The following PSMG4 variants were observed in gnomAD, a reference collection of about 807,000 sequenced individuals.
PSMG4 encodes the protein proteasome assembly chaperone 4.
PSMG4 carries 10 observed loss-of-function variants against 11.0 expected under a neutral mutation model. That is an observed-to-expected ratio of 0.91 (90% CI 0.56 to 1.54). The LOEUF (loss-of-function observed/expected upper bound fraction) is 1.54, where lower values mean the gene tolerates loss of function less well. Ranked by LOEUF, PSMG4 falls within the 40% of genes most tolerant of loss-of-function variation. The pLI is 0.00. For missense variants in PSMG4, 198 were observed against 160.9 expected, an observed-to-expected ratio of 1.23 and a Z score of -1.25; for synonymous variants, 95 against 71.3, an observed-to-expected ratio of 1.33 and a Z score of -1.68.
At chr6:3,255,650 C>T (rs566301968), upstream of PSMG4, among the ~76,000 whole-genome samples, 133 of 152,306 alleles carry the variant, frequency 8.7e-4, no homozygotes, top group African/African-American at 2.9e-3. Flanking sequence ...CACAGACAAA[C>T]GAGTCCGAGA....
chr6:3,255,851 C>T (rs1469717060), upstream of PSMG4, among the ~76,000 whole-genome samples: 3 of 129,098 alleles, frequency 2.3e-5, no homozygotes, highest in Non-Finnish European at 5.1e-5. Context: ...TGTCGTCCAT[C>T]TCACGTGAAT....
upstream of PSMG4, among the ~76,000 whole-genome samples, chr6:3,255,504 C>G (rs564013884): frequency 2.0e-5 from 3 of 152,290 alleles, no homozygotes; most frequent in Non-Finnish European, 4.4e-5. Flanking sequence ...ACTGCCTGGC[C>G]AGGTCATTCC....
upstream of PSMG4, among the ~76,000 whole-genome samples, chr6:3,257,295 G>A (rs150928506): frequency 9.4e-4 from 143 of 152,272 alleles, 3 homozygotes; most frequent in African/African-American, 3.3e-3. Context: ...ATGACTGGCT[G>A]TGACCCTCTG....
At chr6:3,255,684 C>T (rs1385071754), upstream of PSMG4, among the ~76,000 whole-genome samples, 2 of 152,178 alleles carry the variant, frequency 1.3e-5, no homozygotes, top group African/African-American at 4.8e-5. Context: ...TGTATGAGAT[C>T]CCTCCTATGG....
upstream of PSMG4, chr6:3,255,052 A>C: frequency 6.4e-7 from 1 of 1,550,764 alleles, no homozygotes; most frequent in Non-Finnish European, 8.7e-7. Context: ...TCTGGACAGG[A>C]ACAAACACAC....
upstream of PSMG4, chr6:3,258,812 T>G (rs1757848769): frequency 1.5e-5 from 6 of 402,898 alleles, no homozygotes; most frequent in Non-Finnish European, 2.1e-5. Context: ...GGACAGCTAC[T>G]CCGCCCAGGG....
Position 3,263,685 on chromosome 6 carries a change from A to G in PSMG4, c.176A>G (p.Asp59Gly). The change falls in exon 2 of 3, where the codon GAC becomes GGC. Residue 59 changes from aspartate (D) to glycine (G), a missense_variant and splice_region_variant. By Grantham distance (94) the Asp-to-Gly change is moderately conservative. Transcript: ENST00000438998. ...NLAVAMCSRY[D>G]SIPVSTSLLG... is the part of the protein sequence containing the mutation. ...GTGTGCCCTTTGCTTTTCTTTTAGG[A>G]CTCCATCCCCGTGTCTACCTCCCTC... 6.5e-7 allele frequency: 1 copy of G among 1,540,832 alleles called. No homozygotes were observed. Among genetic ancestry groups the G allele is most frequent in the Non-Finnish European group, 8.8e-7 (1 of 1,142,754 alleles).
At chr6:3,257,465 C>T (rs1357856324), upstream of PSMG4, among the ~76,000 whole-genome samples, 1 of 152,178 alleles carries the variant, frequency 6.6e-6, no homozygotes, top group Non-Finnish European at 1.5e-5. Flanking sequence ...AACTTTGTTT[C>T]CTTAATCTTT....
chr6:3,254,531 T>C (rs1475740414), upstream of PSMG4, among the ~76,000 whole-genome samples: 2 of 152,070 alleles, frequency 1.3e-5, no homozygotes, highest in Non-Finnish European at 2.9e-5. Context: ...CTGTAACAAT[T>C]ATCTGGAAGG....
At chr6:3,261,797 A>G (rs1352279172) in intron 1 of PSMG4, among the ~76,000 whole-genome samples, 1 of 152,138 alleles carries the variant, frequency 6.6e-6, no homozygotes, top group Non-Finnish European at 1.5e-5. Flanking sequence ...CCAGCCCTCC[A>G]TCTACCGTCC....
chr6:3,258,953 T>C lies in PSMG4; in HGVS notation c.-70T>C. 1 of 1,217,244 alleles carries C rather than the reference T, an allele frequency of 8.2e-7. No individual in the cohort carries two copies. The highest frequency in any genetic ancestry group is 1.0e-6 in the Non-Finnish European group (1 of 972,818). The allele number at this position is 1,217,244 out of a possible 1,614,324, so 75.4% of individuals were successfully genotyped here. A position where few individuals can be genotyped will look rare whatever the true frequency, so the allele number is the denominator to read the frequency against. ...GCTCGGTCTCTCGGTGCTCGCTCCA[T>C]CGGGTCTGGCGGGGCTGGCAGCGGC... On this transcript the variant is annotated 5_prime_UTR_variant, in exon 1 of 3. Coordinates refer to ENST00000438998, the MANE Select transcript of PSMG4 (RefSeq NM_001128591.2).
At position 3,264,145 on chromosome 6, in the gene PSMG4, CTGG is replaced by C. The variant is rs1485371136; in HGVS notation, c.250+390_250+392del. 9.1e-6 allele frequency: 14 copies of C among 1,543,110 alleles called. No individual in the cohort carries two copies. The East Asian group carries it at 2.9e-4, about 32-fold the overall frequency. On this transcript the variant is annotated intron_variant, in intron 2 of 2. Transcript: ENST00000438998. ...CGGGCCTTAGGAGGAGTCAGTGCAG[CTGG>C]TGGAGCAGGTGTCACCTCTGTGCAG...
chr6:3,259,153 C>G lies in PSMG4; in HGVS notation c.131C>G (p.Thr44Arg). The G allele has an allele frequency of 2.3e-6, 3 of 1,305,964 alleles. No individual in the cohort carries two copies. The highest frequency in any genetic ancestry group is 2.9e-6 in the Non-Finnish European group (3 of 1,027,298). The allele number at this position is 1,305,964 out of a possible 1,614,324, so 80.9% of individuals were successfully genotyped here. ...TCGCTGTTCCTGTGGGTGGGGGCCACGCCGCACCTGCGCAACCTCGCCGTG... is the reference window on the plus strand; with the variant it reads ...TCGCTGTTCCTGTGGGTGGGGGCCAGGCCGCACCTGCGCAACCTCGCCGTG... ...TDSLFLWVGA[T>R]PHLRNLAVAM... The change falls in exon 1 of 3, where the codon ACG (threonine) becomes AGG (arginine). Residue 44 changes from threonine (T) to arginine (R), a missense_variant. By Grantham distance (71) the Thr-to-Arg change is moderately conservative. Transcript: ENST00000438998.
chr6:3,255,222 C>A, upstream of PSMG4: 2 of 1,549,840 alleles, frequency 1.3e-6, no homozygotes, highest in Non-Finnish European at 1.7e-6. Flanking sequence ...GGAGCAAAAT[C>A]AACTCTGGTA....
At chr6:3,263,593 C>T (rs1199817401) in intron 1 of PSMG4, 91 bp from the exon 2 acceptor site, 5 of 1,124,686 alleles carry the variant, frequency 4.4e-6, no homozygotes, top group Non-Finnish European at 3.7e-6. Context: ...CCACTGCCAT[C>T]GTCGTGAAGA....
At position 3,259,145 on chromosome 6, in the gene PSMG4, G is replaced by A. The variant is rs906163000; in HGVS notation, c.123G>A (p.Val41=). 3.1e-6 allele frequency: 4 copies of A among 1,303,478 alleles called. No individual in the cohort carries two copies. In the African/African-American group the frequency reaches 4.6e-5, roughly 15 times the overall value. The allele number at this position is 1,303,478 out of a possible 1,614,324, so 80.7% of individuals were successfully genotyped here. Residue 41 remains valine, a synonymous_variant, in exon 1 of 3, where the codon GTG becomes GTA. Transcript: ENST00000438998. ...MRLTDSLFLW[V]GATPHLRNLA... Reference sequence around the variant, plus strand: ...TGACGGACTCGCTGTTCCTGTGGGTGGGGGCCACGCCGCACCTGCGCAACC... The same window carrying A: ...TGACGGACTCGCTGTTCCTGTGGGTAGGGGCCACGCCGCACCTGCGCAACC...
upstream of PSMG4, among the ~76,000 whole-genome samples, chr6:3,254,685 C>T (rs140289557): frequency 8.5e-5 from 13 of 152,200 alleles, no homozygotes; most frequent in East Asian, 1.2e-3. Flanking sequence ...CCACTAAACT[C>T]AACAGAAAGA....
chr6:3,264,128 A>G (rs1326224507), intron 2 of PSMG4: 16 of 1,532,238 alleles, frequency 1.0e-5, no homozygotes, highest in Middle Eastern at 1.7e-4. Flanking sequence ...CCCGGGCCTT[A>G]GGAGGAGTCA....
In PSMG4 at chr6:3,259,044, G is replaced by T; in HGVS notation, c.22G>T (p.Ala8Ser). 1 of 1,252,268 alleles carries T rather than the reference G, an allele frequency of 8.0e-7. No homozygotes were observed. Among genetic ancestry groups the T allele is most frequent in the South Asian group, 3.5e-5 (1 of 28,880 alleles). The allele number at this position is 1,252,268 out of a possible 1,614,324, so 77.6% of individuals were successfully genotyped here. Residue 8 changes from alanine to serine, a missense_variant, in exon 1 of 3, where the codon GCC becomes TCC. By Grantham distance (99) the Ala-to-Ser change is moderately conservative. Coordinates refer to ENST00000438998, the MANE Select transcript of PSMG4 (RefSeq NM_001128591.2). ...CGGCATGGAGGGGCTGGTTGTCGCC[G>T]CCGGCGGGGACGTCTCCCTGCACAA... is the stretch of plus-strand genomic sequence containing the variant. MEGLVVAAGGDVSLHNFS... is the reference protein window; with the variant it reads MEGLVVASGGDVSLHNFS...
Sources: allele counts gnomAD v4.1 joint callset (sites outside exome capture counted in the v4.1 genomes callset), GRCh38; gene constraint gnomAD v4.1.1; transcripts MANE v1.5; gene names NCBI Gene and HGNC (gene_info 2026-07-23, HGNC 2026-07-21).